Variants in NAV3 observed in about 807,000 individuals in gnomAD.
The protein encoded by NAV3 is pore membrane and/or filament interacting like protein 1.
In NAV3, 87 loss-of-function variants were observed where a neutral mutation model predicts 244.7. The ratio of observed to expected loss-of-function variants is 0.36; its 90% CI spans 0.30 to 0.42. The LOEUF is 0.42. NAV3 is among the 20% of genes least tolerant of loss of function. The probability of loss-of-function intolerance (pLI) is 1.00; values close to 1 mark genes in which losing one functional copy is unlikely to be tolerated. For missense variants in NAV3, 2,663 were observed against 2,893.3 expected (o/e 0.92, Z 1.83); for synonymous variants, 1,126 against 1,042.2 (o/e 1.08, Z -1.55).
At chr12:77,775,441 G>A (rs892391668) in intron 2 of NAV3, among the ~76,000 whole-genome samples, 2 of 150,400 alleles carry the variant, frequency 1.3e-5, no homozygotes, top group Admixed American at 6.6e-5. Context: ...TCTTTAAGCT[G>A]TATCTTGCAA....
chr12:77,929,375 G>A (rs1382459771), intron 1 of NAV3, among the ~76,000 whole-genome samples: 1 of 152,108 alleles, frequency 6.6e-6, no homozygotes, highest in Non-Finnish European at 1.5e-5. Flanking sequence ...CTGCGTCACG[G>A]ACAGGGACAT....
intron 2 of NAV3, among the ~76,000 whole-genome samples, chr12:77,724,286 T>G (rs542247884): frequency 2.0e-5 from 3 of 152,102 alleles, no homozygotes; most frequent in African/African-American, 7.2e-5. Flanking sequence ...TTTCTGTATT[T>G]TTTTCTGAGA....
rs139001763 is a variant in NAV3, at chr12:78,178,360, C to A, written c.5363+675C>A. ...ATTTTTAGTAAAGATGGGGTTTCACCATGTTGGCCAGGCTGGTCTCGAACT... is the reference window on the plus strand; with the variant it reads ...ATTTTTAGTAAAGATGGGGTTTCACAATGTTGGCCAGGCTGGTCTCGAACT... On this transcript the variant is annotated intron_variant, in intron 28 of 39. Coordinates refer to ENST00000397909, the MANE Select transcript of NAV3 (RefSeq NM_001024383.2). 8.3e-3 allele frequency among the ~76,000 whole-genome samples: 1,261 copies of A among 151,892 alleles called. 20 individuals carry two copies. Among genetic ancestry groups the A allele is most frequent in the African/African-American group, 0.029 (1,218 of 41,426 alleles).
intron 23 of NAV3, 98 bp downstream of exon 23, chr12:78,159,384 C>G (rs2139398743): frequency 9.0e-7 from 1 of 1,116,042 alleles, no homozygotes; most frequent in South Asian, 1.4e-5. Context: ...ATATTCCAGG[C>G]TGAGTGCAGA....
In NAV3 at chr12:78,171,957, T is replaced by G. The variant is rs957524260; in HGVS notation, c.4981+3091T>G. On this transcript the variant is annotated intron_variant, in intron 24 of 39. Coordinates refer to ENST00000397909, the MANE Select transcript of NAV3 (RefSeq NM_001024383.2). The stretch of plus-strand genomic sequence containing the variant: ...ATTAACAAAGTTTGATAAATGACTA[T>G]AGTCTATAATAAAATATTTTTGTTT... 5.5e-4 allele frequency among the ~76,000 whole-genome samples: 83 copies of G among 151,738 alleles called. 1 individual carries two copies. The highest frequency in any genetic ancestry group is 1.9e-3 in the African/African-American group (79 of 41,512).
chr12:78,189,442 G>A (rs1487256490), intron 33 of NAV3, among the ~76,000 whole-genome samples: 2 of 151,550 alleles, frequency 1.3e-5, no homozygotes, highest in Non-Finnish European at 3.0e-5. Context: ...CTTGCCAAAC[G>A]TAACAATTTG....
chr12:78,156,235 C>T (rs764202106), intron 22 of NAV3, among the ~76,000 whole-genome samples: 7 of 151,998 alleles, frequency 4.6e-5, no homozygotes, highest in Non-Finnish European at 7.4e-5. Context: ...TCTACCAGCA[C>T]CATTTATTAA....
chr12:77,585,204 C>A (rs1257005428), intron 2 of NAV3, among the ~76,000 whole-genome samples: 1 of 152,200 alleles, frequency 6.6e-6, no homozygotes, highest in African/African-American at 2.4e-5. Context: ...GATGGTACTT[C>A]AGCAACTGTA....
At chr12:77,904,413 A>T (rs1278022019) in intron 1 of NAV3, among the ~76,000 whole-genome samples, 7 of 152,118 alleles carry the variant, frequency 4.6e-5, no homozygotes, top group Admixed American at 4.6e-4. Flanking sequence ...CAAACACCGC[A>T]TGTTCTCACT....
At chr12:78,111,422 T>G (rs146376110) in intron 12 of NAV3, among the ~76,000 whole-genome samples, 89 of 152,126 alleles carry the variant, frequency 5.9e-4, no homozygotes, top group Admixed American at 1.8e-3. Context: ...CTCAATAATA[T>G]TAAGACAACC....
chr12:77,831,743 A>C (rs1873739436), intron 1 of NAV3, 39 bp downstream of exon 1: 1 of 1,551,486 alleles, frequency 6.4e-7, no homozygotes, highest in South Asian at 1.3e-5. Context: ...GTGTAGCTAA[A>C]ATGCACATTT....
intron 2 of NAV3, among the ~76,000 whole-genome samples, chr12:77,805,380 G>T (rs7980033): frequency 0.26 from 39,335 of 151,892 alleles, 5,979 homozygotes; most frequent in East Asian, 0.39. Flanking sequence ...GCATGAAGGA[G>T]TGTTGAATTT....
At chr12:77,792,170 A>AT (rs1006751161) in intron 2 of NAV3, among the ~76,000 whole-genome samples, 2 of 152,218 alleles carry the variant, frequency 1.3e-5, no homozygotes, top group Non-Finnish European at 1.5e-5. Context: ...AACTCTCTGG[A>AT]TTTTTTTAAA....
At chr12:78,042,934 G>T (rs1881122601) in intron 9 of NAV3, among the ~76,000 whole-genome samples, 2 of 149,190 alleles carry the variant, frequency 1.3e-5, no homozygotes, top group Admixed American at 1.3e-4. Context: ...AATGATCATA[G>T]TTTTTTTTTT....
intron 12 of NAV3, among the ~76,000 whole-genome samples, chr12:78,066,807 T>C (rs1009923441): frequency 6.6e-6 from 1 of 152,090 alleles, no homozygotes; most frequent in Non-Finnish European, 1.5e-5. Context: ...GAAATCACAG[T>C]TTCCAAAAGG....
At chr12:77,884,307 G>A (rs1883024854) in intron 1 of NAV3, among the ~76,000 whole-genome samples, 1 of 152,066 alleles carries the variant, frequency 6.6e-6, no homozygotes, top group Admixed American at 6.6e-5. Flanking sequence ...AGATAGAAAA[G>A]AGGGGATATA....
At chr12:78,149,046 A>G (rs1010811155) in intron 22 of NAV3, 127 bp downstream of exon 22, 2 of 754,150 alleles carry the variant, frequency 2.7e-6, no homozygotes, top group Non-Finnish European at 4.3e-6. Context: ...AGCAGGACTC[A>G]TAAAAAGTTA....
intron 21 of NAV3, 104 bp from the exon 22 acceptor site, chr12:78,148,738 G>C (rs1434801625): frequency 7.9e-6 from 7 of 891,708 alleles, no homozygotes; most frequent in Non-Finnish European, 1.2e-5. Flanking sequence ...TGATACAATG[G>C]GGTTAGAATG....
At chr12:77,744,274 G>C (rs1868423922) in intron 2 of NAV3, among the ~76,000 whole-genome samples, 1 of 152,028 alleles carries the variant, frequency 6.6e-6, no homozygotes, top group Admixed American at 6.6e-5. Context: ...CACAGATATG[G>C]TACATTGATT....
Sources: allele counts gnomAD v4.1 joint callset (sites outside exome capture counted in the v4.1 genomes callset), GRCh38; gene constraint gnomAD v4.1.1; transcripts MANE v1.5; gene names NCBI Gene and HGNC (gene_info 2026-07-23, HGNC 2026-07-21).